Variants in FHL5 observed in about 807,000 individuals in gnomAD.
FHL5 encodes the protein four and a half LIM domains protein 5.
In FHL5, 33 loss-of-function variants were observed where a neutral mutation model predicts 32.0. That is an observed-to-expected ratio of 1.03 (90% CI 0.78 to 1.38). FHL5 has a LOEUF of 1.38. Ranked by LOEUF, FHL5 falls within the 40% of genes most tolerant of loss-of-function variation. The pLI is 0.00. For missense variants in FHL5, 336 were observed against 343.9 expected (o/e 0.98, Z 0.18); for synonymous variants, 114 against 113.6 (o/e 1.00, Z -0.02).
chr6:96,580,617 C>A (rs1302099436), intron 1 of FHL5, among the ~76,000 whole-genome samples: 1 of 152,068 alleles, frequency 6.6e-6, no homozygotes, highest in African/African-American at 2.4e-5. Flanking sequence ...ATGTTTTATG[C>A]ATTTTAAGGA....
At chr6:96,587,793 C>T (rs543505157) in intron 1 of FHL5, among the ~76,000 whole-genome samples, 53 of 152,242 alleles carry the variant, frequency 3.5e-4, no homozygotes, top group African/African-American at 1.1e-3. Flanking sequence ...TAATAATAAA[C>T]TTTGGCTGTT....
intron 1 of FHL5, among the ~76,000 whole-genome samples, chr6:96,582,928 A>G (rs899030443): frequency 6.6e-6 from 1 of 152,176 alleles, no homozygotes; most frequent in Non-Finnish European, 1.5e-5. Flanking sequence ...TACACCTACA[A>G]CTGACTTACC....
intron 1 of FHL5, among the ~76,000 whole-genome samples, chr6:96,577,665 G>A (rs1313722300): frequency 6.6e-6 from 1 of 152,226 alleles, no homozygotes; most frequent in East Asian, 1.9e-4. Context: ...AAGCAGCTTG[G>A]TTTTAGGCAT....
intron 1 of FHL5, among the ~76,000 whole-genome samples, chr6:96,566,541 C>T (rs116735667): frequency 0.022 from 3,325 of 151,886 alleles, 125 homozygotes; most frequent in African/African-American, 0.073. Context: ...TTGGATCATA[C>T]GGTAGTTCTA....
intron 1 of FHL5, among the ~76,000 whole-genome samples, chr6:96,588,021 T>C (rs1290384367): frequency 6.6e-6 from 1 of 152,264 alleles, no homozygotes; most frequent in Non-Finnish European, 1.5e-5. Context: ...ATAAACTCCG[T>C]GGCTGTGAGC....
In FHL5 at chr6:96,615,710, C is replaced by T. The variant is rs566257304; in HGVS notation, c.793C>T (p.Leu265=). The T allele has an allele frequency of 1.9e-6, 3 of 1,612,664 alleles. No individual in the cohort carries two copies. In the East Asian group the frequency reaches 6.7e-5, roughly 36 times the overall value. Reference sequence around the variant, plus strand: ...TGTCTCCTTGGTGGGTAAAGGCTTCCTGACCCAGAACAAGGAAATCTTCTG... The same window carrying T: ...TGTCTCCTTGGTGGGTAAAGGCTTCTTGACCCAGAACAAGGAAATCTTCTG... ...CSVSLVGKGF[L]TQNKEIFCQK... is the part of the protein sequence containing the mutation. Residue 265 remains leucine, a synonymous_variant, in exon 6 of 6, where the codon CTG becomes TTG. Coordinates refer to ENST00000450218, the MANE Select transcript of FHL5 (RefSeq NM_001322466.2).
At chr6:96,572,412 C>G (rs774185103) in intron 1 of FHL5, among the ~76,000 whole-genome samples, 5 of 152,120 alleles carry the variant, frequency 3.3e-5, no homozygotes, top group Non-Finnish European at 7.4e-5. Context: ...AGCAATTCCA[C>G]CTCCACTTGA....
chr6:96,601,971 G>A (rs755725804), intron 1 of FHL5, among the ~76,000 whole-genome samples: 7 of 152,188 alleles, frequency 4.6e-5, no homozygotes, highest in South Asian at 2.1e-4. Flanking sequence ...GTTCCATTGC[G>A]AACTTTCTAG....
chr6:96,568,635 C>T (rs1190866204), intron 1 of FHL5, among the ~76,000 whole-genome samples: 2 of 151,734 alleles, frequency 1.3e-5, no homozygotes, highest in Non-Finnish European at 3.0e-5. Context: ...AGACTTAATG[C>T]CATTACTTGT....
intron 1 of FHL5, among the ~76,000 whole-genome samples, chr6:96,572,414 T>C (rs565632253): frequency 6.6e-6 from 1 of 152,098 alleles, no homozygotes; most frequent in African/African-American, 2.4e-5. Flanking sequence ...CAATTCCACC[T>C]CCACTTGACC....
At chr6:96,585,820 T>A (rs1224677295) in intron 1 of FHL5, among the ~76,000 whole-genome samples, 1 of 152,186 alleles carries the variant, frequency 6.6e-6, no homozygotes, top group African/African-American at 2.4e-5. Flanking sequence ...CCTAGTGCAC[T>A]TCAACTTTAC....
chr6:96,606,096 T>C, intron 4 of FHL5, 25 bp downstream of exon 4: 1 of 1,594,132 alleles, frequency 6.3e-7, no homozygotes, highest in Admixed American at 1.7e-5. Context: ...AGGGTGAAGC[T>C]TGTGGAAACT....
chr6:96,600,422 C>A (rs1254962552), intron 1 of FHL5, among the ~76,000 whole-genome samples: 1 of 152,130 alleles, frequency 6.6e-6, no homozygotes, highest in Non-Finnish European at 1.5e-5. Flanking sequence ...CTTCTCTTTT[C>A]CCTTCCTCAA....
intron 1 of FHL5, among the ~76,000 whole-genome samples, chr6:96,581,136 T>A (rs955132290): frequency 2.0e-5 from 3 of 152,154 alleles, no homozygotes; most frequent in African/African-American, 7.2e-5. Flanking sequence ...GCAGAGTTCC[T>A]CTAAATTCCT....
At chr6:96,595,080 T>G (rs1421592385) in intron 1 of FHL5, among the ~76,000 whole-genome samples, 4 of 151,914 alleles carry the variant, frequency 2.6e-5, no homozygotes, top group African/African-American at 4.8e-5. Flanking sequence ...GTCTTCAGTT[T>G]TCCTAAACCT....
At chr6:96,592,827 T>C (rs1770950168) in intron 1 of FHL5, among the ~76,000 whole-genome samples, 1 of 152,170 alleles carries the variant, frequency 6.6e-6, no homozygotes, top group Admixed American at 6.6e-5. Context: ...TTTTGATATG[T>C]TATTTGTCTT....
chr6:96,578,254 T>C (rs1275884475), intron 1 of FHL5, among the ~76,000 whole-genome samples: 1 of 152,198 alleles, frequency 6.6e-6, no homozygotes, highest in Non-Finnish European at 1.5e-5. Flanking sequence ...ATTCCAATGA[T>C]TGAGATTTGA....
At chr6:96,610,062 A>G (rs918553773) in intron 4 of FHL5, among the ~76,000 whole-genome samples, 2 of 152,240 alleles carry the variant, frequency 1.3e-5, no homozygotes, top group South Asian at 4.1e-4. Context: ...CCTGGTGTAA[A>G]GCATTCAGGA....
intron 4 of FHL5, among the ~76,000 whole-genome samples, chr6:96,609,861 A>C (rs1188667207): frequency 6.6e-6 from 1 of 152,188 alleles, no homozygotes; most frequent in Non-Finnish European, 1.5e-5. Flanking sequence ...TGTAACCCTC[A>C]CTAGTTGCTC....
Sources: allele counts gnomAD v4.1 joint callset (sites outside exome capture counted in the v4.1 genomes callset), GRCh38; gene constraint gnomAD v4.1.1; transcripts MANE v1.5; gene names NCBI Gene and HGNC (gene_info 2026-07-23, HGNC 2026-07-21).